The following C15orf39 variants were observed in gnomAD, a reference collection of about 807,000 sequenced individuals.
The protein encoded by C15orf39 is PRMT2 interacting protein, also known as uncharacterized protein C15orf39.
C15orf39 carries 24 observed loss-of-function variants against 53.9 expected under a neutral mutation model. That is an observed-to-expected ratio of 0.45 (90% CI 0.32 to 0.63). The LOEUF (loss-of-function observed/expected upper bound fraction) is 0.63, where lower values mean the gene tolerates loss of function less well. C15orf39 is among the 20% of genes least tolerant of loss of function. The pLI is 0.04. For synonymous variants in C15orf39, 569 were observed against 576.5 expected (o/e 0.99, Z 0.19); for missense variants, 1,271 against 1,347.9 (o/e 0.94, Z 0.89).
rs759753350 is a variant in C15orf39 at position 75,206,306 on chromosome 15, C to T, written c.258C>T (p.Asn86=). ...GMAGPPLQAD[N]LLTNCLFYRS... is the part of the protein sequence containing the mutation. ...CAGGACCCCCACTTCAGGCAGACAA[C>T]CTGCTGACCAACTGCCTGTTCTACC... The change falls in exon 2 of 3, where the codon AAC becomes AAT. Residue 86 remains asparagine, a synonymous_variant. Coordinates refer to ENST00000394987, the MANE Select transcript of C15orf39 (RefSeq NM_015492.5). The T allele has an allele frequency of 1.9e-6, 3 of 1,613,928 alleles. No individual in the cohort carries two copies. Among genetic ancestry groups the T allele is most frequent in the East Asian group, 2.2e-5 (1 of 44,902 alleles).
rs1473762512 is a variant in C15orf39 at position 75,208,132 on chromosome 15, C to T, written c.2084C>T (p.Ala695Val). Residue 695 changes from alanine (A) to valine (V), a missense_variant, in exon 2 of 3, where the codon GCT (alanine) becomes GTT (valine). This residue lies in a region of C15orf39 where 994 missense variants were observed against 993.7 expected (regional missense o/e 1.00). Transcript: ENST00000394987. ...TSGPIGLRIL[A>V]QQPLSVTCFS... is the part of the protein sequence containing the mutation. The stretch of plus-strand genomic sequence containing the variant: ...GGGCCCATTGGACTGCGGATTCTCG[C>T]TCAACAGCCCTTGTCTGTGACCTGC... 1.9e-6 allele frequency: 3 copies of T among 1,614,018 alleles called. No homozygotes were observed. The highest frequency in any genetic ancestry group is 1.7e-5 in the Admixed American group (1 of 60,016).
rs554950133 is a variant in C15orf39 at position 75,206,331 on chromosome 15, C to T, written c.283C>T (p.Arg95Cys). The T allele has an allele frequency of 1.7e-5, 27 of 1,614,046 alleles. No individual in the cohort carries two copies. The South Asian group carries it at 2.1e-4, about 12-fold the overall frequency. Reference protein sequence around the residue: ...DNLLTNCLFYRSPAEGPEKMQ... With the variant: ...DNLLTNCLFYCSPAEGPEKMQ... ...CCTGCTGACCAACTGCCTGTTCTACCGCTCGCCAGCAGAAGGCCCTGAGAA... is the reference window on the plus strand; with the variant it reads ...CCTGCTGACCAACTGCCTGTTCTACTGCTCGCCAGCAGAAGGCCCTGAGAA... Residue 95 changes from arginine to cysteine, a missense_variant, in exon 2 of 3, where the codon CGC becomes TGC. Physicochemically the swap from Arg to Cys is radical, Grantham distance 180. Around this residue, in one of 2 missense-constraint regions of C15orf39, gnomAD observed 994 missense variants for 993.7 expected, o/e 1.00. Transcript: ENST00000394987.
At chr15:75,205,048 G>A (rs1247251175) in intron 1 of C15orf39, among the ~76,000 whole-genome samples, 2 of 152,164 alleles carry the variant, frequency 1.3e-5, no homozygotes, top group Non-Finnish European at 2.9e-5. Flanking sequence ...ACCTCTCCTA[G>A]GGGACTGCTC....
Position 75,211,078 on chromosome 15 carries a change from T to G in C15orf39, c.3106T>G (p.Cys1036Gly), listed in dbSNP as rs185484443. 2 of 1,601,314 alleles carry G rather than the reference T, an allele frequency of 1.2e-6. No homozygotes were observed. The highest frequency in any genetic ancestry group is 4.5e-5 in the East Asian group (2 of 44,882). ...CTCAAGACCAGACCAGCCCTCACCC[T>G]GCCCACAGCTGCTGGACAGCCAGAG... is the stretch of plus-strand genomic sequence containing the variant. ...KSSRPDQPSPCPQLLDSQSHH... is the reference protein window; with the variant it reads ...KSSRPDQPSPGPQLLDSQSHH... The change falls in exon 3 of 3, where the codon TGC becomes GGC. Residue 1036 changes from cysteine (C) to glycine (G), a missense_variant. Cys to Gly is a radical substitution (Grantham distance 159). Around this residue, in one of 2 missense-constraint regions of C15orf39, gnomAD observed 277 missense variants for 354.1 expected, o/e 0.78. Coordinates refer to ENST00000394987, the MANE Select transcript of C15orf39 (RefSeq NM_015492.5).
At chr15:75,204,658 C>T (rs891798918) in intron 1 of C15orf39, among the ~76,000 whole-genome samples, 1 of 152,242 alleles carries the variant, frequency 6.6e-6, no homozygotes, top group African/African-American at 2.4e-5. Context: ...CAGGCATGCA[C>T]AACCATGCCT....
Position 75,207,520 on chromosome 15 carries a change from G to A in C15orf39, c.1472G>A (p.Gly491Asp), listed in dbSNP as rs11072532. Reference sequence around the variant, plus strand: ...TGCCAGTCTCTTCCACAGAAGGAGGGCGCAAGGCCACCCAGCTCTCCACCA... The same window carrying A: ...TGCCAGTCTCTTCCACAGAAGGAGGACGCAAGGCCACCCAGCTCTCCACCA... ...RECQSLPQKE[G>D]ARPPSSPPMP... Residue 491 changes from glycine (G) to aspartate (D), a missense_variant, in exon 2 of 3, where the codon GGC becomes GAC. Gly to Asp is a moderately conservative substitution (Grantham distance 94). Around this residue, in one of 2 missense-constraint regions of C15orf39, gnomAD observed 994 missense variants for 993.7 expected, o/e 1.00. Transcript: ENST00000394987. 0.97 allele frequency: 1,567,830 copies of A among 1,612,900 alleles called. 764,970 individuals carry two copies. The highest frequency in any genetic ancestry group is 0.99 in the Non-Finnish European group (1,173,524 of 1,179,772).
chr15:75,200,397 G>C (rs945283893), upstream of C15orf39, among the ~76,000 whole-genome samples: 3 of 152,118 alleles, frequency 2.0e-5, no homozygotes, highest in African/African-American at 7.2e-5. Context: ...GAGACCACTG[G>C]GCACATCTGA....
upstream of C15orf39, among the ~76,000 whole-genome samples, chr15:75,199,590 A>G (rs1463485228): frequency 6.6e-6 from 1 of 152,234 alleles, no homozygotes; most frequent in Non-Finnish European, 1.5e-5. Flanking sequence ...ATTAATAACC[A>G]TAAAATAATG....
intron 1 of C15orf39, 73 bp from the exon 2 acceptor site, chr15:75,205,926 G>A: frequency 9.8e-7 from 1 of 1,021,286 alleles, no homozygotes; most frequent in Non-Finnish European, 1.4e-6. Flanking sequence ...GAGCTGATGA[G>A]AGCAGCAGCC....
upstream of C15orf39, among the ~76,000 whole-genome samples, chr15:75,201,477 C>T (rs531216955): frequency 2.6e-5 from 4 of 152,354 alleles, no homozygotes; most frequent in African/African-American, 9.6e-5. The surrounding 1 kb of genome is among the most constrained non-coding windows in gnomAD (Gnocchi z 4.7). Flanking sequence ...CAGGGGAATG[C>T]CGGCACCTAC....
rs773294673 is a variant in C15orf39 at position 75,208,833 on chromosome 15, G to A, written c.2776+9G>A. 2 of 1,580,368 alleles carry A rather than the reference G, an allele frequency of 1.3e-6. No individual in the cohort carries two copies. The highest frequency in any genetic ancestry group is 2.3e-5 in the South Asian group (2 of 87,240). ...TGTACGCCGCCAGCTGGGTGAGCATGGGGCAGCCCCAGTGGCCACCGGAGC... is the reference window on the plus strand; with the variant it reads ...TGTACGCCGCCAGCTGGGTGAGCATAGGGCAGCCCCAGTGGCCACCGGAGC... On this transcript the variant is annotated intron_variant, in intron 2 of 2. Coordinates refer to ENST00000394987, the MANE Select transcript of C15orf39 (RefSeq NM_015492.5).
chr15:75,208,885 G>T (rs779794818), intron 2 of C15orf39, 61 bp downstream of exon 2: 47 of 1,534,958 alleles, frequency 3.1e-5, no homozygotes, highest in Middle Eastern at 2.3e-4. Flanking sequence ...AGGTGTGTGT[G>T]CTGTGTGAGT....
At chr15:75,199,262 A>G (rs2070387851), upstream of C15orf39, 1 of 152,202 alleles carries the variant, frequency 6.6e-6, no homozygotes, top group African/African-American at 2.4e-5. Context: ...TAGATGTAGG[A>G]GCTCCATGCC....
At chr15:75,208,936 C>T (rs1290284915) in intron 2 of C15orf39, 112 bp downstream of exon 2, 37 of 1,455,672 alleles carry the variant, frequency 2.5e-5, no homozygotes, top group South Asian at 7.1e-5. Context: ...GACTCCTGCC[C>T]GGGTAGGGGG....
In C15orf39 at chr15:75,211,204, T is replaced by G; in HGVS notation, c.*88T>G. Reference sequence around the variant, plus strand: ...CTGCCCCGGGGCCACGAGTGGATGCTGGGGCTGTGGCTGCTCCCCTGGAGG... The same window carrying G: ...CTGCCCCGGGGCCACGAGTGGATGCGGGGGCTGTGGCTGCTCCCCTGGAGG... On this transcript the variant is annotated 3_prime_UTR_variant, in exon 3 of 3. Transcript: ENST00000394987. 6.7e-7 allele frequency: 1 copy of G among 1,491,198 alleles called. No individual in the cohort carries two copies. Among genetic ancestry groups the G allele is most frequent in the African/African-American group, 1.4e-5 (1 of 71,960 alleles). 92.4% of individuals were successfully genotyped at this position (1,491,198 alleles called of 1,614,324 possible).
Position 75,208,758 on chromosome 15 carries a change from C to T in C15orf39, c.2710C>T (p.Gln904Ter). The T allele has an allele frequency of 6.2e-7, 1 of 1,607,714 alleles. No individual in the cohort carries two copies. Among genetic ancestry groups the T allele is most frequent in the Non-Finnish European group, 8.5e-7 (1 of 1,179,788 alleles). ...CATGCTGAAGTTACTGGCGCTGCGC[C>T]AGCTGCCGGACATTTACCCCGACCT... ...SRMLKLLALR[Q>*]LPDIYPDLLG... Residue 904 changes from glutamine (Q) to a stop codon, truncating the protein, a stop_gained, in exon 2 of 3, where the codon CAG (glutamine) becomes TAG (stop). Coordinates refer to ENST00000394987, the MANE Select transcript of C15orf39 (RefSeq NM_015492.5). LOFTEE classifies it high-confidence loss of function.
At position 75,207,005 on chromosome 15, in the gene C15orf39, G is replaced by T; in HGVS notation, c.957G>T (p.Gly319=). 1.2e-6 allele frequency: 2 copies of T among 1,600,768 alleles called. No homozygotes were observed. The highest frequency in any genetic ancestry group is 2.2e-5 in the South Asian group (2 of 89,054). ...AGGGGACCGGGTACCAGGCTGGTGG[G>T]CTGGGCAGCCCCTACCTGAGGCAGC... The part of the protein sequence containing the change: ...GHKGTGYQAG[G]LGSPYLRQQA... Residue 319 remains glycine, a synonymous_variant, in exon 2 of 3, where the codon GGG becomes GGT. Transcript: ENST00000394987.
rs965800328 is a variant in C15orf39, at chr15:75,206,827, C to G, written c.779C>G (p.Pro260Arg). The change falls in exon 2 of 3, where the codon CCC becomes CGC. Residue 260 changes from proline (P) to arginine (R), a missense_variant. Around this residue, in one of 2 missense-constraint regions of C15orf39, gnomAD observed 994 missense variants for 993.7 expected, o/e 1.00. Transcript: ENST00000394987. ...WTQLAQPLGP[P>R]CQDTGPTHYP... ...CAGCTGGCCCAGCCCCTGGGGCCAC[C>G]CTGTCAGGACACCGGGCCCACCCAC... 1.2e-6 allele frequency: 2 copies of G among 1,601,856 alleles called. No individual in the cohort carries two copies. Among genetic ancestry groups the G allele is most frequent in the African/African-American group, 2.7e-5 (2 of 74,774 alleles).
chr15:75,198,968 T>C (rs1018618191), upstream of C15orf39: 6 of 152,230 alleles, frequency 3.9e-5, no homozygotes, highest in Admixed American at 1.3e-4. Flanking sequence ...GAGAAGGGGT[T>C]GAAGAGTAGT....
Sources: allele counts gnomAD v4.1 joint callset (sites outside exome capture counted in the v4.1 genomes callset), GRCh38; gene constraint gnomAD v4.1.1; regional missense constraint gnomAD v4.1.1; non-coding constraint Gnocchi (gnomAD v3.1); transcripts MANE v1.5; gene names NCBI Gene and HGNC (gene_info 2026-07-23, HGNC 2026-07-21).